PVRIG: variants seen among roughly 807,000 people sequenced by gnomAD.
PVRIG encodes the protein PVR related immunoglobulin domain containing, also known as transmembrane protein PVRIG.
PVRIG carries 16 observed loss-of-function variants against 21.9 expected under a neutral mutation model. That is an observed-to-expected ratio of 0.73 (90% CI 0.50 to 1.11). The LOEUF (loss-of-function observed/expected upper bound fraction) is 1.11. Among genes scored for constraint, PVRIG ranks in the 50% most tolerant of loss-of-function variants. The pLI, the probability that PVRIG is intolerant of heterozygous loss-of-function variation, is 0.00. For missense variants in PVRIG, 435 were observed against 445.7 expected, an observed-to-expected ratio of 0.98 and a Z score of 0.22; for synonymous variants, 190 against 181.0, an observed-to-expected ratio of 1.05 and a Z score of -0.40.
At chr7:100,220,343 C>T (rs1404124687) in exon 3 of PVRIG, 4 of 1,558,770 alleles carry the variant, frequency 2.6e-6, no homozygotes, top group Non-Finnish European at 3.5e-6. Context: ...GCATCTCTCT[C>T]ATCCTGGAAG....
intron 4 of PVRIG, 21 bp downstream of exon 3, chr7:100,220,694 A>C (rs760647913): frequency 6.2e-7 from 1 of 1,609,452 alleles, no homozygotes; most frequent in South Asian, 1.1e-5. Flanking sequence ...GTCCCTGTCC[A>C]CGTCCCCCTG....
intron 5 of PVRIG, 35 bp from the exon 5 acceptor site, chr7:100,220,893 G>A (rs550533265): frequency 4.7e-5 from 74 of 1,588,674 alleles, no homozygotes; most frequent in Non-Finnish European, 4.3e-6. Flanking sequence ...GGCCCAAGCT[G>A]TGCAGACTCA....
rs1433763223 is a variant in PVRIG, at chr7:100,219,729, G to A, written c.-182G>A. 7.7e-6 allele frequency: 5 copies of A among 646,700 alleles called. No homozygotes were observed. In the South Asian group the frequency reaches 9.2e-5, roughly 12 times the overall value. 40.1% of individuals were successfully genotyped at this position (646,700 alleles called of 1,614,324 possible). The stretch of plus-strand genomic sequence containing the variant: ...CCTCCCCAGGCCTAGCCAGGGCTGG[G>A]TTCTCACCCACCTGTGCCGCCCTGC... On this transcript the variant is annotated 5_prime_UTR_variant, in exon 2 of 6. Coordinates refer to ENST00000317271, the Ensembl canonical transcript of PVRIG.
At chr7:100,221,185 C>A in exon 6 of PVRIG, 1 of 1,610,876 alleles carries the variant, frequency 6.2e-7, no homozygotes, top group Non-Finnish European at 8.5e-7. Context: ...ACACTGGTCC[C>A]GGCCTCACTC....
At chr7:100,220,871 G>GCA in intron 5 of PVRIG, 51 bp downstream of exon 4, 1 of 1,600,240 alleles carries the variant, frequency 6.2e-7, no homozygotes, top group Non-Finnish European at 8.5e-7. Flanking sequence ...AGGGGCAGGG[G>GCA]GGCCAGGGCT....
exon 6 of PVRIG, chr7:100,220,995 C>T (rs1471462988): frequency 7.5e-6 from 12 of 1,602,684 alleles, no homozygotes; most frequent in Non-Finnish European, 1.0e-5. Flanking sequence ...AGCTGCCGCC[C>T]AGCTACTTTG....
At position 100,219,718 on chromosome 7, in the gene PVRIG, G is replaced by A. The variant is rs1288151751; in HGVS notation, c.-193G>A. The A allele has an allele frequency of 3.0e-5, 19 of 632,744 alleles. 1 individual carries two copies. Among genetic ancestry groups the A allele is most frequent in the Non-Finnish European group, 4.9e-5 (17 of 346,564 alleles). The allele number at this position is 632,744 out of a possible 1,614,324, so 39.2% of individuals were successfully genotyped here. On this transcript the variant is annotated 5_prime_UTR_variant, in exon 2 of 6. Transcript: ENST00000317271. ...CCCTCCCCTGGCCTCCCCAGGCCTAGCCAGGGCTGGGTTCTCACCCACCTG... is the reference window on the plus strand; with the variant it reads ...CCCTCCCCTGGCCTCCCCAGGCCTAACCAGGGCTGGGTTCTCACCCACCTG...
exon 3 of PVRIG, chr7:100,220,152 A>T: frequency 6.3e-7 from 1 of 1,598,726 alleles, no homozygotes; most frequent in Non-Finnish European, 8.5e-7. Flanking sequence ...GATGGAGGCC[A>T]CCGAGCTCTC....
At chr7:100,221,222 G>A (rs1783506152) in exon 6 of PVRIG, 1 of 1,601,480 alleles carries the variant, frequency 6.2e-7, no homozygotes, top group African/African-American at 1.3e-5. Flanking sequence ...GGGGCCCAGG[G>A]CCATGGAAGG....
chr7:100,221,113 A>G (rs1239156223), exon 6 of PVRIG: 2 of 1,613,842 alleles, frequency 1.2e-6, no homozygotes, highest in Non-Finnish European at 1.7e-6. Flanking sequence ...CCATCCCTGC[A>G]CGTGGCAGCT....
At chr7:100,220,989 G>C (rs1472426322) in exon 6 of PVRIG, 1 of 1,600,822 alleles carries the variant, frequency 6.2e-7, no homozygotes, top group Non-Finnish European at 8.5e-7. Context: ...AACACCAGCT[G>C]CCGCCCAGCT....
chr7:100,220,761 C>A, exon 5 of PVRIG: 1 of 1,606,348 alleles, frequency 6.2e-7, no homozygotes. Context: ...CTCTCCCAGC[C>A]CTGCCCCTAG....
exon 3 of PVRIG, chr7:100,220,261 C>G (rs1468517511): frequency 1.3e-6 from 2 of 1,568,028 alleles, no homozygotes; most frequent in Non-Finnish European, 1.7e-6. Flanking sequence ...ACCACGCTGG[C>G]TGTGTTGCAC....
chr7:100,219,853 T>C (rs979137202), exon 2 of PVRIG: 16 of 1,331,412 alleles, frequency 1.2e-5, no homozygotes, highest in Middle Eastern at 2.5e-4. Flanking sequence ...CTGGGGAAGG[T>C]GTGAGAGGAG....
At chr7:100,221,010 C>T (rs747235862) in exon 6 of PVRIG, 1 of 1,610,072 alleles carries the variant, frequency 6.2e-7, no homozygotes, top group South Asian at 1.1e-5. Flanking sequence ...ACTTTGGACA[C>T]AGCTCACCCC....
chr7:100,220,223 C>T lies in PVRIG; in HGVS notation c.228C>T (p.Ser76=), dbSNP rs28444266. 181 of 1,591,576 alleles carry T rather than the reference C, an allele frequency of 1.1e-4. No individual in the cohort carries two copies. In the African/African-American group the frequency reaches 2.2e-3, roughly 19 times the overall value. ...GCTCCATCTCCCTGGTGACTGTGAG[C>T]TGGGGGGGCCCCAACGGTGCTGGGG... Residue 76 remains serine, a synonymous_variant, in exon 3 of 6, where the codon AGC becomes AGT. Coordinates refer to ENST00000317271, the Ensembl canonical transcript of PVRIG.
At chr7:100,221,209 T>G (rs1283353495) in exon 6 of PVRIG, 4 of 1,606,480 alleles carry the variant, frequency 2.5e-6, no homozygotes, top group Non-Finnish European at 3.4e-6. Flanking sequence ...TCCCTGACCC[T>G]CGGGGGCCCA....
rs144051806 is a variant in PVRIG at position 100,220,238 on chromosome 7, C to T, written c.243C>T (p.Asn81=). 8.5e-4 allele frequency: 1,344 copies of T among 1,579,124 alleles called. 11 individuals are homozygous for T. The South Asian group carries it at 9.8e-3, about 11-fold the overall frequency. The change falls in exon 3 of 6, where the codon AAC becomes AAT. Residue 81 remains asparagine, a synonymous_variant. Coordinates refer to ENST00000317271, the Ensembl canonical transcript of PVRIG. ...TGACTGTGAGCTGGGGGGGCCCCAA[C>T]GGTGCTGGGGGGACCACGCTGGCTG... is the stretch of plus-strand genomic sequence containing the variant.
chr7:100,221,078 G>A lies in PVRIG; in HGVS notation c.808G>A (p.Gly270Ser), dbSNP rs760031212. The A allele has an allele frequency of 2.2e-5, 35 of 1,613,872 alleles. No individual in the cohort carries two copies. In the Admixed American group the frequency reaches 5.0e-4, roughly 23 times the overall value. The change falls in exon 6 of 6, where the codon GGC becomes AGC. Residue 270 changes from glycine (G) to serine (S), a missense_variant. Transcript: ENST00000317271. ...CACCCACGCTGCACACCGGCCCCAG[G>A]GCCCTGCCGCCTGGGCCTCCACACC...
Sources: allele counts gnomAD v4.1 joint callset, GRCh38; gene constraint gnomAD v4.1.1; transcripts MANE v1.5; gene names NCBI Gene and HGNC (gene_info 2026-07-23, HGNC 2026-07-21).